ABI3BP: variants seen among roughly 807,000 people sequenced by gnomAD.
The protein encoded by ABI3BP is ABI family member 3 binding protein, also known as target of Nesh-SH3.
Under a neutral mutation model 268.6 loss-of-function variants are expected in ABI3BP, and 216 were observed. The ratio of observed to expected loss-of-function variants is 0.80; its 90% CI spans 0.72 to 0.90. The LOEUF is 0.90. Ranked by LOEUF, ABI3BP falls within the 40% of genes least tolerant of loss-of-function variation. The pLI, the probability that ABI3BP is intolerant of heterozygous loss-of-function variation, is 0.00. For missense variants in ABI3BP, 2,090 were observed against 2,182.4 expected (o/e 0.96, Z 0.84); for synonymous variants, 730 against 730.0 (o/e 1.00, Z 0.00).
chr3:100,861,322 G>A (rs935460752), intron 14 of ABI3BP, among the ~76,000 whole-genome samples: 10 of 152,110 alleles, frequency 6.6e-5, no homozygotes, highest in African/African-American at 2.2e-4. Context: ...ATCTGTGGGG[G>A]CTCATGCTCA....
chr3:100,883,352 C>T (rs1438297118), intron 6 of ABI3BP, among the ~76,000 whole-genome samples: 3 of 151,966 alleles, frequency 2.0e-5, no homozygotes, highest in Non-Finnish European at 4.4e-5. Flanking sequence ...TGTCTATGAG[C>T]AAACTTAAGC....
chr3:100,879,043 C>G (rs2099197221), intron 6 of ABI3BP, among the ~76,000 whole-genome samples: 1 of 152,160 alleles, frequency 6.6e-6, no homozygotes, highest in Non-Finnish European at 1.5e-5. Context: ...TGAAATTTAT[C>G]TTCAGCAATT....
In ABI3BP at chr3:100,769,889, A is replaced by C. The variant is rs1311369099; in HGVS notation, c.4741+854T>G. On this transcript the variant is annotated intron_variant, in intron 62 of 67. Transcript: ENST00000471714. ...AAGCCGCTTACACTGGAAGTTGCCC[A>C]GATCCAATGGTTCTGTCTGAGGAGA... Among the ~76,000 whole-genome samples, 4 of 152,220 alleles carry C rather than the reference A, an allele frequency of 2.6e-5. No homozygotes were observed. The East Asian group carries it at 7.7e-4, about 29-fold the overall frequency.
rs1207004009 is a variant in ABI3BP at position 100,753,800 on chromosome 3, C to T, written c.4960+19G>A. ...TTTAGAAAAGCATGTAGTTGTGCCT[C>T]ATTGAGACAGGTACTTACCAGAAAC... On this transcript the variant is annotated intron_variant, in intron 65 of 67. Coordinates refer to ENST00000471714, the MANE Select transcript of ABI3BP (RefSeq NM_001375547.2). 3.1e-6 allele frequency: 5 copies of T among 1,610,094 alleles called. 1 individual carries two copies. In the African/African-American group the frequency reaches 5.3e-5, roughly 17 times the overall value.
In ABI3BP at chr3:100,839,601, G is replaced by A; in HGVS notation, c.1913C>T (p.Thr638Met). The A allele has an allele frequency of 8.5e-6, 13 of 1,535,866 alleles. No individual in the cohort carries two copies. The highest frequency in any genetic ancestry group is 1.1e-5 in the Non-Finnish European group (13 of 1,146,686). Residue 638 changes from threonine to methionine, a missense_variant, in exon 24 of 68, where the codon ACG (threonine) becomes ATG (methionine). Transcript: ENST00000471714. ...GGGCACCAAGGGCTCCGGTTGTATC[G>A]TGGCAGGTTCCAGAGCTACAGAAGC... The part of the protein sequence containing the change: ...PKSKPALEPA[T>M]IQPEPLVPTT...
rs16334 is a variant in ABI3BP at position 100,749,563 on chromosome 3, C to CAGTTAGTT, written c.*931_*932insAACTAACT. 72 of 396,908 alleles carry CAGTTAGTT rather than the reference C, an allele frequency of 1.8e-4. No individual in the cohort carries two copies. The South Asian group carries it at 1.8e-3, about 10-fold the overall frequency. 24.6% of individuals were successfully genotyped at this position (396,908 alleles called of 1,614,324 possible). ...GATTTTTATTACAGATTGAATTAAA[C>CAGTTAGTT]AGTTACAAAGACATTCTCTGATACA... On this transcript the variant is annotated 3_prime_UTR_variant, in exon 68 of 68. Coordinates refer to ENST00000471714, the MANE Select transcript of ABI3BP (RefSeq NM_001375547.2).
chr3:100,751,139 CTAATTA>C (rs751082005), intron 67 of ABI3BP, among the ~76,000 whole-genome samples: 150 of 152,082 alleles, frequency 9.9e-4, no homozygotes, highest in African/African-American at 2.0e-3. Context: ...CAGAATTATT[CTAATTA>C]TATTTATACA....
At chr3:100,910,807 C>T (rs17338729) in intron 2 of ABI3BP, among the ~76,000 whole-genome samples, 37,163 of 152,120 alleles carry the variant, frequency 0.24, 5,598 homozygotes, top group Middle Eastern at 0.39. Context: ...CATGCTAAGA[C>T]TTATCTGTGG....
chr3:100,944,265 G>A (rs933751300), intron 1 of ABI3BP, among the ~76,000 whole-genome samples: 1 of 151,984 alleles, frequency 6.6e-6, no homozygotes, highest in Non-Finnish European at 1.5e-5. Flanking sequence ...GAGTGATCAG[G>A]TATCAAAAAA....
chr3:100,779,594 TAAGAGA>T (rs1223315469), intron 58 of ABI3BP, among the ~76,000 whole-genome samples: 1 of 150,784 alleles, frequency 6.6e-6, no homozygotes, highest in Non-Finnish European at 1.5e-5. Context: ...GGTATACTAG[TAAGAGA>T]AAGACTCTCT....
intron 24 of ABI3BP, among the ~76,000 whole-genome samples, chr3:100,838,850 A>C (rs899375315): frequency 2.0e-5 from 3 of 152,230 alleles, no homozygotes; most frequent in Admixed American, 1.3e-4. Context: ...GTAATCCATA[A>C]ACATTTGAAA....
intron 1 of ABI3BP, among the ~76,000 whole-genome samples, chr3:100,935,675 C>T (rs531786088): frequency 6.0e-4 from 91 of 152,182 alleles, no homozygotes; most frequent in Non-Finnish European, 1.0e-3. Context: ...TTGTAGTTCT[C>T]CTTCAAGAGG....
At chr3:100,892,980 A>C (rs147513066) in intron 4 of ABI3BP, among the ~76,000 whole-genome samples, 1,934 of 152,338 alleles carry the variant, frequency 0.013, 14 homozygotes, top group Non-Finnish European at 0.021. Context: ...TGTTGCCAAA[A>C]GAGATGAACA....
chr3:100,950,896 G>A (rs942369834), intron 1 of ABI3BP, among the ~76,000 whole-genome samples: 4 of 151,772 alleles, frequency 2.6e-5, no homozygotes, highest in Non-Finnish European at 4.4e-5. Context: ...TTATGGGGCT[G>A]AGGCCACGTG....
intron 4 of ABI3BP, among the ~76,000 whole-genome samples, chr3:100,888,294 T>C (rs1472741495): frequency 6.6e-6 from 1 of 152,144 alleles, no homozygotes; most frequent in Non-Finnish European, 1.5e-5. Context: ...CTTTGTGTCC[T>C]GTGAGTCAAA....
At chr3:100,863,405 T>G (rs937854378) in intron 12 of ABI3BP, 1 of 156,250 alleles carries the variant, frequency 6.4e-6, no homozygotes, top group African/African-American at 2.4e-5. Context: ...AACCTCCACC[T>G]CCTGGGTTCA....
intron 2 of ABI3BP, among the ~76,000 whole-genome samples, chr3:100,914,785 T>C (rs771086387): frequency 6.6e-6 from 1 of 152,160 alleles, no homozygotes; most frequent in Non-Finnish European, 1.5e-5. Flanking sequence ...TCTGCCATAA[T>C]TGATCACCAT....
intron 1 of ABI3BP, among the ~76,000 whole-genome samples, chr3:100,992,088 G>A (rs114476168): frequency 0.013 from 2,013 of 152,234 alleles, 19 homozygotes; most frequent in Non-Finnish European, 0.023. Flanking sequence ...TGATCAAGGA[G>A]CAAAACTCTT....
intron 14 of ABI3BP, among the ~76,000 whole-genome samples, chr3:100,853,394 C>G (rs1013421258): frequency 6.6e-6 from 1 of 152,168 alleles, no homozygotes; most frequent in African/African-American, 2.4e-5. Context: ...TGATCTTAAG[C>G]TTATTTTCAG....
Sources: gnomAD v4.1 joint callset for allele counts (sites outside exome capture counted in the v4.1 genomes callset) on GRCh38, gnomAD v4.1.1 for gene constraint, MANE v1.5 for transcripts, NCBI Gene and HGNC (gene_info 2026-07-23, HGNC 2026-07-21) for gene names.